The following LAMA4 variants were observed in gnomAD, a reference collection of about 807,000 sequenced individuals.
LAMA4 encodes the protein laminin subunit alpha 4.
Under a neutral mutation model 207.1 loss-of-function variants are expected in LAMA4, and 127 were observed. The ratio of observed to expected loss-of-function variants is 0.61; its 90% CI spans 0.53 to 0.71. LAMA4 has a LOEUF of 0.71. Among genes scored for constraint, LAMA4 ranks in the 30% least tolerant of loss-of-function variants. The pLI is 0.00. For synonymous variants in LAMA4, 761 were observed against 816.0 expected (o/e 0.93, Z 1.15); for missense variants, 2,093 against 2,246.5 (o/e 0.93, Z 1.38).
chr6:112,205,798 C>G (rs782382575), intron 4 of LAMA4, among the ~76,000 whole-genome samples: 5 of 152,004 alleles, frequency 3.3e-5, no homozygotes, highest in Non-Finnish European at 7.4e-5. Context: ...GAATTTCAAC[C>G]CTCCCCACCC....
chr6:112,203,215 G>C (rs1443784831), intron 4 of LAMA4, among the ~76,000 whole-genome samples: 2 of 152,134 alleles, frequency 1.3e-5, no homozygotes, highest in Non-Finnish European at 2.9e-5. Flanking sequence ...TAACCACTGT[G>C]GTGCCCATTT....
rs141689212 is a variant in LAMA4 at position 112,196,492 on chromosome 6, G to A, written c.504-4642C>T. ...CACATCACCCTTGCACAGAGGCCAT[G>A]CTAATCTTCTCTGGGTTGTTCCAAT... On this transcript the variant is annotated intron_variant, in intron 5 of 38. Transcript: ENST00000230538. 6.5e-4 allele frequency: 99 copies of A among 152,286 alleles called. 1 individual carries two copies. Among genetic ancestry groups the A allele is most frequent in the African/African-American group, 2.4e-3 (98 of 41,554 alleles). The allele number at this position is 152,286 out of a possible 1,614,324, so 9.4% of individuals were successfully genotyped here.
In LAMA4 at chr6:112,190,871, TTTTCTTTCTTTCTTTCTTTC is replaced by T. The variant is rs1173465019; in HGVS notation, c.718+745_718+764del. ...CTGATTTGAACCATGCAAGGTTTCTTTTTCTTTCTTTCTTTCTTTCTTTCTTTCTTTCTTTCTTTCTTTCT... is the reference window on the plus strand; with the variant it reads ...CTGATTTGAACCATGCAAGGTTTCTTTTTCTTTCTTTCTTTCTTTCTTTCT... On this transcript the variant is annotated intron_variant, in intron 6 of 38. Transcript: ENST00000230538. 2.6e-3 allele frequency among the ~76,000 whole-genome samples: 242 copies of T among 91,590 alleles called. 1 individual carries two copies. Among genetic ancestry groups the T allele is most frequent in the Non-Finnish European group, 3.6e-3 (158 of 43,438 alleles). 60.1% of individuals were successfully genotyped at this position (91,590 alleles called of 152,430 possible). A position where few individuals can be genotyped will look rare whatever the true frequency, so the allele number is the denominator to read the frequency against.
chr6:112,169,056 G>T (rs1781563660), intron 12 of LAMA4, among the ~76,000 whole-genome samples: 1 of 152,192 alleles, frequency 6.6e-6, no homozygotes, highest in South Asian at 2.1e-4. Context: ...TCAGATCATG[G>T]GTGGCTGAGG....
At chr6:112,161,145 C>A (rs1451779516) in intron 13 of LAMA4, among the ~76,000 whole-genome samples, 4 of 152,210 alleles carry the variant, frequency 2.6e-5, no homozygotes, top group African/African-American at 4.8e-5. Flanking sequence ...GAAAGCTCTA[C>A]TCCTCCTTTC....
chr6:112,202,533 C>T (rs1482000156), intron 4 of LAMA4, among the ~76,000 whole-genome samples: 4 of 151,960 alleles, frequency 2.6e-5, no homozygotes, highest in Non-Finnish European at 5.9e-5. Context: ...AAGTGTGACC[C>T]GCTGCTCTCT....
rs1779541193 is a variant in LAMA4, at chr6:112,139,279, G to A, written c.3123C>T (p.Ala1041=). ...AACTGGCAGCCCGACTCTGAGTGAA[G>A]GCCAGCTTATCTCTGAAATGGAAAC... The part of the protein sequence containing the change: ...TSVPCARDKL[A]FTQSRAASYF... Residue 1041 remains alanine (A), a synonymous_variant, in exon 24 of 39, where the codon GCC becomes GCT. Coordinates refer to ENST00000230538, the MANE Select transcript of LAMA4 (RefSeq NM_001105206.3). 6.2e-7 allele frequency: 1 copy of A among 1,614,016 alleles called. No individual in the cohort carries two copies. Among genetic ancestry groups the A allele is most frequent in the African/African-American group, 1.3e-5 (1 of 74,916 alleles).
chr6:112,219,761 C>T (rs1784823463), intron 2 of LAMA4, among the ~76,000 whole-genome samples: 1 of 152,146 alleles, frequency 6.6e-6, no homozygotes. Context: ...AGTTATGTTG[C>T]ACAATTCTCT....
chr6:112,114,978 C>A (rs1377533530), intron 36 of LAMA4, among the ~76,000 whole-genome samples: 1 of 151,946 alleles, frequency 6.6e-6, no homozygotes, highest in African/African-American at 2.4e-5. Flanking sequence ...GAGAAAATTG[C>A]GAGAGAGGGA....
chr6:112,214,511 A>G (rs868939783), intron 3 of LAMA4, among the ~76,000 whole-genome samples: 1 of 152,170 alleles, frequency 6.6e-6, no homozygotes, highest in African/African-American at 2.4e-5. Flanking sequence ...AATCTGTTTA[A>G]TAGGAAAATT....
In LAMA4 at chr6:112,128,902, A is replaced by T; in HGVS notation, c.4287+20T>A. ...GGAAAATGATGACAATTAGGAAGTC[A>T]GAACGGCATTATCTTTTACCTTTTT... On this transcript the variant is annotated intron_variant, in intron 31 of 38. Coordinates refer to ENST00000230538, the MANE Select transcript of LAMA4 (RefSeq NM_001105206.3). 1 of 1,609,586 alleles carries T rather than the reference A, an allele frequency of 6.2e-7. No individual in the cohort carries two copies. Among genetic ancestry groups the T allele is most frequent in the African/African-American group, 1.3e-5 (1 of 74,906 alleles).
chr6:112,206,976 A>G lies in LAMA4; in HGVS notation c.422+45T>C, dbSNP rs961631804. ...ACAAAACAAAACAAAACAAAACAAT[A>G]CATAGACTGATCATTAGAAGAGACC... On this transcript the variant is annotated intron_variant, in intron 4 of 38. Transcript: ENST00000230538. The G allele has an allele frequency of 3.7e-6, 6 of 1,610,742 alleles. No homozygotes were observed. The Admixed American group carries it at 5.0e-5, about 13-fold the overall frequency.
At chr6:112,229,142 T>C (rs1785400864) in intron 2 of LAMA4, among the ~76,000 whole-genome samples, 1 of 152,224 alleles carries the variant, frequency 6.6e-6, no homozygotes, top group Non-Finnish European at 1.5e-5. Flanking sequence ...AGTCAGCTTT[T>C]GTTAGAAAAT....
intron 2 of LAMA4, among the ~76,000 whole-genome samples, chr6:112,222,710 C>T (rs1448817593): frequency 2.6e-5 from 4 of 152,220 alleles, no homozygotes; most frequent in African/African-American, 9.6e-5. Context: ...TCTCAAATAA[C>T]AGTCCCTGAA....
rs374273620 is a variant in LAMA4, at chr6:112,207,051, G to A, written c.392C>T (p.Pro131Leu). The change falls in exon 4 of 39, where the codon CCG (proline) becomes CTG (leucine). Residue 131 changes from proline (P) to leucine (L), a missense_variant. Physicochemically the swap from Pro to Leu is moderately conservative, Grantham distance 98 (BLOSUM62 -3). Around this residue, in one of 3 missense-constraint regions of LAMA4, gnomAD observed 1,704 missense variants for 1,788.4 expected, o/e 0.95. Transcript: ENST00000230538. ...SIRGAPQFCQ[P>L]CPCPLPHLAN... ...CAAGTGGGGCAGGGGACAGGGGCAC[G>A]GCTGGCAGAATTGGGGTGCTCCCCT... The A allele has an allele frequency of 1.8e-5, 29 of 1,613,810 alleles. No individual in the cohort carries two copies. In the Admixed American group the frequency reaches 3.3e-4, roughly 19 times the overall value.
chr6:112,175,217 G>T, intron 11 of LAMA4, 96 bp downstream of exon 11: 1 of 1,175,894 alleles, frequency 8.5e-7, no homozygotes, highest in Non-Finnish European at 1.3e-6. Flanking sequence ...GAAATTGGTT[G>T]CTTTGATTAT....
chr6:112,119,062 G>T, intron 34 of LAMA4, 94 bp downstream of exon 34: 2 of 1,288,920 alleles, frequency 1.6e-6, no homozygotes, highest in Non-Finnish European at 2.2e-6. Flanking sequence ...ACTGGTGCTA[G>T]TTTCTAGTTT....
intron 6 of LAMA4, among the ~76,000 whole-genome samples, chr6:112,189,785 A>G (rs1334104466): frequency 1.3e-5 from 2 of 152,220 alleles, no homozygotes; most frequent in African/African-American, 2.4e-5. Flanking sequence ...GCAAGGAATC[A>G]GGAACATTTT....
chr6:112,200,886 G>T (rs1783704832), intron 5 of LAMA4, among the ~76,000 whole-genome samples: 1 of 151,996 alleles, frequency 6.6e-6, no homozygotes, highest in African/African-American at 2.4e-5. Context: ...CTGTCAGTGG[G>T]TGGGGGGCAA....
Sources: allele counts gnomAD v4.1 joint callset (sites outside exome capture counted in the v4.1 genomes callset), GRCh38; gene constraint gnomAD v4.1.1; regional missense constraint gnomAD v4.1.1; transcripts MANE v1.5; gene names NCBI Gene and HGNC (gene_info 2026-07-23, HGNC 2026-07-21).